The following MYO3B variants were observed in gnomAD, a reference collection of about 807,000 sequenced individuals.
MYO3B encodes myosin IIIB, also known as myosin-IIIb.
In MYO3B, 156 loss-of-function variants were observed where a neutral mutation model predicts 174.6. The ratio of observed to expected loss-of-function variants is 0.89; its 90% CI spans 0.78 to 1.02. The LOEUF is 1.02. Ranked by LOEUF, MYO3B falls within the 50% of genes least tolerant of loss-of-function variation. The pLI, the probability that MYO3B is intolerant of heterozygous loss-of-function variation, is 0.00. For missense variants in MYO3B, 1,632 were observed against 1,639.4 expected, an observed-to-expected ratio of 1.00 and a Z score of 0.08; for synonymous variants, 563 against 569.1, an observed-to-expected ratio of 0.99 and a Z score of 0.15.
rs544842857 is a variant in MYO3B, at chr2:170,526,607, A to G, written c.3575+7067A>G. 6.6e-5 allele frequency among the ~76,000 whole-genome samples: 10 copies of G among 152,342 alleles called. No homozygotes were observed. In the South Asian group the frequency reaches 2.1e-3, roughly 32 times the overall value. ...CCCTTACCAACATTGCCAGCATGAC[A>G]TTATCATACCCTCAAATAATAACAT... On this transcript the variant is annotated intron_variant, in intron 30 of 34. Coordinates refer to ENST00000408978, the MANE Select transcript of MYO3B (RefSeq NM_138995.5).
At chr2:170,225,539 AAAAAT>A (rs1444748381) in intron 6 of MYO3B, among the ~76,000 whole-genome samples, 1 of 152,260 alleles carries the variant, frequency 6.6e-6, no homozygotes, top group Non-Finnish European at 1.5e-5. Context: ...AGGATATGGA[AAAAAT>A]AAAATAAAGT....
At chr2:170,641,229 A>G (rs979731828) in intron 32 of MYO3B, 3 of 152,190 alleles carry the variant, frequency 2.0e-5, no homozygotes, top group African/African-American at 7.2e-5. Context: ...CAAATAATCA[A>G]TGGCATGCAA....
At chr2:170,598,306 C>G (rs940524935) in intron 32 of MYO3B, among the ~76,000 whole-genome samples, 1 of 152,206 alleles carries the variant, frequency 6.6e-6, no homozygotes, top group Non-Finnish European at 1.5e-5. Context: ...CCGGCTGTTC[C>G]TGGGATTCAT....
At chr2:170,618,983 A>C (rs1575260033) in intron 32 of MYO3B, among the ~76,000 whole-genome samples, 2 of 152,348 alleles carry the variant, frequency 1.3e-5, no homozygotes, top group South Asian at 4.1e-4. Flanking sequence ...ATTAATCAGC[A>C]GTAACAATTG....
At chr2:170,368,657 C>T (rs77965200) in intron 8 of MYO3B, among the ~76,000 whole-genome samples, 1,749 of 152,260 alleles carry the variant, frequency 0.011, 19 homozygotes, top group Non-Finnish European at 0.017. Flanking sequence ...TTATATTGTA[C>T]TCACTTCCTG....
intron 22 of MYO3B, among the ~76,000 whole-genome samples, chr2:170,422,977 C>CTTTTTTTTTTTTTTTTTTTTTTT (rs34882424): frequency 2.3e-5 from 2 of 88,506 alleles, no homozygotes; most frequent in African/African-American, 4.6e-5. Flanking sequence ...TTCTTTCTTT[C>CTTTTTTTTTTTTTTTTTTTTTTT]TTTTTTTTTT....
intron 8 of MYO3B, among the ~76,000 whole-genome samples, chr2:170,352,666 A>G (rs909380357): frequency 1.3e-5 from 2 of 152,130 alleles, no homozygotes; most frequent in Non-Finnish European, 2.9e-5. Context: ...ACCATAGCCA[A>G]TTTCAAGCTA....
chr2:170,505,842 CCA>C (rs1222418755), intron 28 of MYO3B, among the ~76,000 whole-genome samples: 1 of 152,214 alleles, frequency 6.6e-6, no homozygotes, highest in East Asian at 1.9e-4. Flanking sequence ...CTGCTTCTCC[CCA>C]CACACACGCA....
chr2:170,448,038 G>A (rs1683340129), intron 23 of MYO3B, among the ~76,000 whole-genome samples: 1 of 152,188 alleles, frequency 6.6e-6, no homozygotes, highest in African/African-American at 2.4e-5. Context: ...GTTATCCCCA[G>A]GAGCAATCTG....
intron 27 of MYO3B, 111 bp from the exon 28 acceptor site, chr2:170,501,671 AAGC>A: frequency 1.5e-6 from 1 of 664,780 alleles, no homozygotes; most frequent in Non-Finnish European, 2.7e-6. Flanking sequence ...TTCAGTGAGA[AAGC>A]AGGAGGGAGG....
At chr2:170,418,837 C>T (rs1273511553) in intron 22 of MYO3B, among the ~76,000 whole-genome samples, 1 of 152,012 alleles carries the variant, frequency 6.6e-6, no homozygotes, top group African/African-American at 2.4e-5. Flanking sequence ...TGCTTACAAT[C>T]TCATCCCCTA....
At chr2:170,246,803 T>C (rs1181472844) in intron 7 of MYO3B, among the ~76,000 whole-genome samples, 2 of 152,240 alleles carry the variant, frequency 1.3e-5, no homozygotes, top group Non-Finnish European at 1.5e-5. Context: ...TGGAGTCCAT[T>C]GCTCCTAGTA....
intron 32 of MYO3B, among the ~76,000 whole-genome samples, chr2:170,631,547 G>A (rs570941542): frequency 1.3e-3 from 199 of 151,762 alleles, no homozygotes; most frequent in African/African-American, 4.3e-3. Context: ...GAAATACAGA[G>A]AACACCACAA....
intron 7 of MYO3B, among the ~76,000 whole-genome samples, chr2:170,273,560 T>C (rs2093440480): frequency 6.6e-6 from 1 of 152,148 alleles, no homozygotes; most frequent in African/African-American, 2.4e-5. Context: ...TAGTCTTTCA[T>C]CGTTCTTTAT....
intron 32 of MYO3B, among the ~76,000 whole-genome samples, chr2:170,634,694 G>A (rs1385141336): frequency 1.3e-5 from 2 of 152,170 alleles, no homozygotes; most frequent in Non-Finnish European, 2.9e-5. Flanking sequence ...CCTACAGAAT[G>A]GGAGGAAATT....
At chr2:170,634,548 C>T (rs1396956119) in intron 32 of MYO3B, among the ~76,000 whole-genome samples, 2 of 152,180 alleles carry the variant, frequency 1.3e-5, no homozygotes, top group African/African-American at 2.4e-5. Flanking sequence ...CCATTCAGGA[C>T]ATAGGCATGG....
intron 22 of MYO3B, among the ~76,000 whole-genome samples, chr2:170,427,361 C>CAGCA (rs1421965430): frequency 6.6e-6 from 1 of 152,168 alleles, no homozygotes; most frequent in Non-Finnish European, 1.5e-5. Context: ...TTGGATAATA[C>CAGCA]AGCATTACAG....
intron 23 of MYO3B, among the ~76,000 whole-genome samples, chr2:170,453,958 G>T (rs1424471828): frequency 6.6e-6 from 1 of 152,208 alleles, no homozygotes; most frequent in Non-Finnish European, 1.5e-5. Context: ...AGTCAGGCCT[G>T]TTGAGCTTTC....
chr2:170,328,878 A>G (rs2093889273), intron 7 of MYO3B, among the ~76,000 whole-genome samples: 1 of 152,160 alleles, frequency 6.6e-6, no homozygotes, highest in African/African-American at 2.4e-5. Flanking sequence ...AATTATAAAA[A>G]TTAAGGCCGG....
Sources: gnomAD v4.1 joint callset for allele counts (sites outside exome capture counted in the v4.1 genomes callset) on GRCh38, gnomAD v4.1.1 for gene constraint, MANE v1.5 for transcripts, NCBI Gene and HGNC (gene_info 2026-07-23, HGNC 2026-07-21) for gene names.